KDM3A: variants seen among roughly 807,000 people sequenced by gnomAD.
The protein encoded by KDM3A is lysine-specific demethylase 3A.
KDM3A carries 60 observed loss-of-function variants against 158.0 expected under a neutral mutation model. That is an observed-to-expected ratio of 0.38 (90% CI 0.31 to 0.47). The LOEUF (loss-of-function observed/expected upper bound fraction) is 0.47. Among genes scored for constraint, KDM3A ranks in the 20% least tolerant of loss-of-function variants. KDM3A has a pLI of 0.99. For missense variants in KDM3A, 1,319 were observed against 1,574.3 expected (o/e 0.84, Z 2.74); for synonymous variants, 608 against 549.3 (o/e 1.11, Z -1.49).
intron 2 of KDM3A, among the ~76,000 whole-genome samples, chr2:86,445,671 C>T (rs1442213478): frequency 1.3e-5 from 2 of 152,188 alleles, no homozygotes; most frequent in African/African-American, 4.8e-5. Flanking sequence ...TTGACTAATG[C>T]CTAGCCTTTC....
At chr2:86,445,782 C>T (rs1336654299) in intron 2 of KDM3A, among the ~76,000 whole-genome samples, 1 of 152,128 alleles carries the variant, frequency 6.6e-6, no homozygotes, top group Non-Finnish European at 1.5e-5. Context: ...ACTGTTTACC[C>T]CTTTTAATTG....
chr2:86,465,521 C>T (rs1377923706), intron 9 of KDM3A, among the ~76,000 whole-genome samples: 2 of 152,058 alleles, frequency 1.3e-5, no homozygotes, highest in Non-Finnish European at 2.9e-5. Context: ...GATCCTCTTG[C>T]CTTAGCCTCC....
rs1673166441 is a variant in KDM3A at position 86,466,672 on chromosome 2, G to A, written c.1308G>A (p.Leu436=). Residue 436 remains leucine (L), a synonymous_variant, in exon 10 of 26, where the codon CTG becomes CTA. Coordinates refer to ENST00000312912, the MANE Select transcript of KDM3A (RefSeq NM_018433.6). ...TGGAAATTGCCAATCCTCCTGAACT[G>A]CAGAAGCACCTAGAACATGCACCTT... ...AELEIANPPE[L]QKHLEHAPSP... The A allele has an allele frequency of 6.2e-7, 1 of 1,613,932 alleles. No homozygotes were observed. The highest frequency in any genetic ancestry group is 8.5e-7 in the Non-Finnish European group (1 of 1,179,868).
chr2:86,456,750 G>A (rs1168837695), intron 6 of KDM3A, 55 bp from the exon 7 acceptor site: 1 of 1,437,336 alleles, frequency 7.0e-7, no homozygotes, highest in Non-Finnish European at 9.8e-7. Context: ...CTGATTTTCA[G>A]TATGTTCTTG....
chr2:86,441,956 G>T, intron 1 of KDM3A, 62 bp from the exon 2 acceptor site: 1 of 1,381,116 alleles, frequency 7.2e-7, no homozygotes, highest in Non-Finnish European at 1.0e-6. Context: ...CCTCCCTGCT[G>T]TCTCCGCCCG....
At chr2:86,443,223 A>G (rs529116886) in intron 2 of KDM3A, 1 of 152,358 alleles carries the variant, frequency 6.6e-6, no homozygotes, top group East Asian at 1.9e-4. Flanking sequence ...CAGAATCTTC[A>G]CTTGGCCATC....
intron 11 of KDM3A, among the ~76,000 whole-genome samples, chr2:86,471,387 G>GTA (rs936730611): frequency 1.6e-4 from 24 of 151,046 alleles, no homozygotes; most frequent in Admixed American, 5.3e-4. Flanking sequence ...ATATATGTGT[G>GTA]TATATATATA....
At chr2:86,487,476 T>C (rs1255345200) in intron 21 of KDM3A, 1 of 152,238 alleles carries the variant, frequency 6.6e-6, no homozygotes, top group African/African-American at 2.4e-5. Context: ...ATCCAGCCTC[T>C]CTTCAGTTCC....
upstream of KDM3A, among the ~76,000 whole-genome samples, chr2:86,439,631 T>C (rs577212772): frequency 9.2e-5 from 14 of 152,254 alleles, no homozygotes; most frequent in East Asian, 2.7e-3. Context: ...TCTTCCCTTA[T>C]ATTTTACATT....
rs901259404 is a variant in KDM3A at position 86,492,227 on chromosome 2, C to T, written c.*108C>T. The T allele has an allele frequency of 7.2e-5, 57 of 789,650 alleles. No individual in the cohort carries two copies. In the Admixed American group the frequency reaches 8.9e-4, roughly 12 times the overall value. 48.9% of individuals were successfully genotyped at this position (789,650 alleles called of 1,614,324 possible). On this transcript the variant is annotated 3_prime_UTR_variant, in exon 26 of 26. Coordinates refer to ENST00000312912, the MANE Select transcript of KDM3A (RefSeq NM_018433.6). ...ACCTCATCTTCTTTTTTAAACTGTA[C>T]CCAACTTGTGAGGGTACTCTGTCTA...
rs1023137198 is a variant in KDM3A, at chr2:86,466,822, A to G, written c.1458A>G (p.Glu486=). 1.2e-6 allele frequency: 2 copies of G among 1,612,528 alleles called. No homozygotes were observed. The highest frequency in any genetic ancestry group is 3.3e-5 in the Admixed American group (2 of 59,706). The change falls in exon 10 of 26, where the codon GAA becomes GAG. Residue 486 remains glutamate, a synonymous_variant. Coordinates refer to ENST00000312912, the MANE Select transcript of KDM3A (RefSeq NM_018433.6). ...CTTGCCGATCACAGAATTTAAAGGA[A>G]TCTTCAGTAAAAGTAGATAATGAAA... is the stretch of plus-strand genomic sequence containing the variant. The part of the protein sequence containing the change: ...ALACRSQNLK[E]SSVKVDNESC...
chr2:86,442,058 C>G lies in KDM3A; in HGVS notation c.11C>G (p.Thr4Arg), dbSNP rs755641599. 6.2e-6 allele frequency: 10 copies of G among 1,613,872 alleles called. No homozygotes were observed. The highest frequency in any genetic ancestry group is 8.5e-6 in the Non-Finnish European group (10 of 1,179,892). ...GCAGGCGTGGAAACCATGGTGCTCA[C>G]GCTCGGAGAAAGTTGGCCGGTATTG... is the stretch of plus-strand genomic sequence containing the variant. MVL[T>R]LGESWPVLVG... The change falls in exon 2 of 26, where the codon ACG becomes AGG. Residue 4 changes from threonine to arginine, a missense_variant. Thr to Arg is a moderately conservative substitution (Grantham distance 71). Transcript: ENST00000312912.
At chr2:86,478,471 G>A (rs909580553) in intron 14 of KDM3A, 137 bp from the exon 15 acceptor site, 2 of 1,023,782 alleles carry the variant, frequency 2.0e-6, no homozygotes, top group African/African-American at 1.6e-5. Flanking sequence ...GCATTTTGGG[G>A]AAGGCCTCTG....
intron 8 of KDM3A, among the ~76,000 whole-genome samples, chr2:86,460,986 T>C (rs1457957522): frequency 6.6e-6 from 1 of 152,200 alleles, no homozygotes; most frequent in East Asian, 1.9e-4. Context: ...AAAAGCACGC[T>C]AAGTTGTGCT....
At chr2:86,491,444 A>G (rs1317168583) in intron 25 of KDM3A, 169 bp downstream of exon 25, 1 of 633,958 alleles carries the variant, frequency 1.6e-6, no homozygotes, top group African/African-American at 1.8e-5. Flanking sequence ...GTGAGGGAGG[A>G]ACAAGAGGAA....
rs1178769321 is a variant in KDM3A at position 86,480,351 on chromosome 2, A to G, written c.2501A>G (p.Lys834Arg). Residue 834 changes from lysine (K) to arginine (R), a missense_variant, in exon 16 of 26, where the codon AAG (lysine) becomes AGG (arginine). Coordinates refer to ENST00000312912, the MANE Select transcript of KDM3A (RefSeq NM_018433.6). Reference sequence around the variant, plus strand: ...GACCTAACCAGCGGGAATGTCAACAAGGAAAACAAGGGTGAGTGTTTCCTG... The same window carrying G: ...GACCTAACCAGCGGGAATGTCAACAGGGAAAACAAGGGTGAGTGTTTCCTG... ...LADLTSGNVN[K>R]ENKEKQPTMP... 6.2e-7 allele frequency: 1 copy of G among 1,612,478 alleles called. No individual in the cohort carries two copies. The highest frequency in any genetic ancestry group is 1.1e-5 in the South Asian group (1 of 91,038).
chr2:86,474,763 C>T lies in KDM3A; in HGVS notation c.1725-13C>T, dbSNP rs1673587549. The T allele has an allele frequency of 3.6e-6, 5 of 1,406,064 alleles. No homozygotes were observed. The Admixed American group carries it at 7.2e-5, about 20-fold the overall frequency. The allele number at this position is 1,406,064 out of a possible 1,614,324, so 87.1% of individuals were successfully genotyped here. On this transcript the variant is annotated splice_polypyrimidine_tract_variant and intron_variant, in intron 11 of 25. Coordinates refer to ENST00000312912, the MANE Select transcript of KDM3A (RefSeq NM_018433.6). ...TGTGTACATTACATCTTTTTTTCCC[C>T]TGCTTCCCCTAGGTTACAATTCAAC...
chr2:86,440,359 A>C (rs1454059738), upstream of KDM3A, among the ~76,000 whole-genome samples: 1 of 152,200 alleles, frequency 6.6e-6, no homozygotes, highest in East Asian at 1.9e-4. Context: ...ATTAAATGTG[A>C]TGTAATGTCA....
At chr2:86,441,982 C>T (rs1443591922) in intron 1 of KDM3A, 36 bp from the exon 2 acceptor site, 22 of 1,557,090 alleles carry the variant, frequency 1.4e-5, no homozygotes, top group Non-Finnish European at 1.8e-5. Flanking sequence ...CTCCCACCGG[C>T]CGCCCCCGTC....
Sources: allele counts gnomAD v4.1 joint callset (sites outside exome capture counted in the v4.1 genomes callset), GRCh38; gene constraint gnomAD v4.1.1; transcripts MANE v1.5; gene names NCBI Gene and HGNC (gene_info 2026-07-23, HGNC 2026-07-21).